QRICH1: variants seen among roughly 807,000 people sequenced by gnomAD.
QRICH1 encodes the protein transcriptional regulator QRICH1.
In QRICH1, 16 loss-of-function variants were observed where a neutral mutation model predicts 87.1. The observed-to-expected ratio is 0.18, with a 90% CI of 0.12 to 0.28. QRICH1 has a LOEUF of 0.28. Among genes scored for constraint, QRICH1 ranks in the 10% least tolerant of loss-of-function variants. The pLI, the probability that QRICH1 is intolerant of heterozygous loss-of-function variation, is 1.00. For missense variants in QRICH1, 647 were observed against 951.7 expected, an observed-to-expected ratio of 0.68 and a Z score of 4.21; for synonymous variants, 367 against 368.4, an observed-to-expected ratio of 1.00 and a Z score of 0.05.
chr3:49,040,947 ACT>A (rs1454842296), intron 6 of QRICH1, among the ~76,000 whole-genome samples: 6 of 151,894 alleles, frequency 4.0e-5, no homozygotes, highest in Non-Finnish European at 8.8e-5. Flanking sequence ...TCAATTTGCA[ACT>A]CTCTGATGAC....
intron 1 of QRICH1, among the ~76,000 whole-genome samples, chr3:49,082,959 G>GACT (rs2042092074): frequency 6.6e-6 from 1 of 151,216 alleles, no homozygotes; most frequent in Non-Finnish European, 1.5e-5. Context: ...TAGCACTATG[G>GACT]ACTTTGGGGG....
At chr3:49,063,293 C>T (rs948055974) in intron 2 of QRICH1, among the ~76,000 whole-genome samples, 7 of 152,212 alleles carry the variant, frequency 4.6e-5, no homozygotes, top group Non-Finnish European at 1.0e-4. Flanking sequence ...ACAGCAGCAG[C>T]AGCATCCAGG....
chr3:49,065,407 A>G (rs1221836476), intron 2 of QRICH1, among the ~76,000 whole-genome samples: 1 of 152,174 alleles, frequency 6.6e-6, no homozygotes, highest in Non-Finnish European at 1.5e-5. Context: ...CGGCATCCCA[A>G]AGTGTTAGGA....
At chr3:49,034,079 TTTATTATTA>T (rs10691654) in intron 6 of QRICH1, among the ~76,000 whole-genome samples, 195 of 147,208 alleles carry the variant, frequency 1.3e-3, no homozygotes, top group Non-Finnish European at 1.1e-3. Context: ...TTTGGGGGAT[TTTATTATTA>T]TTATTATTAT....
intron 6 of QRICH1, among the ~76,000 whole-genome samples, chr3:49,036,074 A>G (rs1399694994): frequency 6.6e-6 from 1 of 152,204 alleles, no homozygotes; most frequent in Non-Finnish European, 1.5e-5. Flanking sequence ...AAACAGAGCA[A>G]GACCCTGTCT....
chr3:49,048,898 G>A (rs1377714613), intron 3 of QRICH1, among the ~76,000 whole-genome samples: 1 of 150,078 alleles, frequency 6.7e-6, no homozygotes, highest in African/African-American at 2.4e-5. Flanking sequence ...AGCTTCCCAT[G>A]TGATTTTTTT....
rs150401256 is a variant in QRICH1, at chr3:49,045,326, CAAAAAAAAAAAAA to C, written c.1672-835_1672-823del. Reference sequence around the variant, plus strand: ...TGTTACATAAATGCTTTGTGAATTACAAAAAAAAAAAAAAAAAAAAAAAGTCAAGGTAATTACC... The same window carrying C: ...TGTTACATAAATGCTTTGTGAATTACAAAAAAAAAAGTCAAGGTAATTACC... On this transcript the variant is annotated intron_variant, in intron 5 of 9. Transcript: ENST00000395443. 2.1e-3 allele frequency among the ~76,000 whole-genome samples: 217 copies of C among 101,840 alleles called. 5 individuals carry two copies. Among genetic ancestry groups the C allele is most frequent in the Non-Finnish European group, 5.8e-4 (30 of 51,346 alleles). The allele number at this position is 101,840 out of a possible 152,430, so 66.8% of individuals were successfully genotyped here.
intron 6 of QRICH1, among the ~76,000 whole-genome samples, chr3:49,038,139 G>A (rs2093287060): frequency 1.3e-5 from 2 of 151,522 alleles, no homozygotes; most frequent in African/African-American, 4.9e-5. Context: ...TCGGCTCACT[G>A]CAAGCTCAGC....
intron 3 of QRICH1, among the ~76,000 whole-genome samples, chr3:49,049,174 G>A (rs1168090278): frequency 6.6e-6 from 1 of 151,824 alleles, no homozygotes; most frequent in Non-Finnish European, 1.5e-5. Context: ...AAAGTGCTGG[G>A]ATTACAGGCA....
intron 2 of QRICH1, among the ~76,000 whole-genome samples, chr3:49,058,993 G>A (rs1009643425): frequency 4.0e-5 from 5 of 126,420 alleles, no homozygotes; most frequent in Admixed American, 8.5e-5. Context: ...ACGGAGTCTC[G>A]CTTTGTCGCC....
At chr3:49,063,878 C>A (rs1170530091) in intron 2 of QRICH1, among the ~76,000 whole-genome samples, 2 of 152,086 alleles carry the variant, frequency 1.3e-5, no homozygotes, top group African/African-American at 4.8e-5. Context: ...TTTACTTGTA[C>A]TCTAAATTAA....
At chr3:49,065,415 G>T (rs1394024262) in intron 2 of QRICH1, among the ~76,000 whole-genome samples, 1 of 152,166 alleles carries the variant, frequency 6.6e-6, no homozygotes, top group African/African-American at 2.4e-5. Context: ...CAAAGTGTTA[G>T]GATTACAGGC....
intron 9 of QRICH1, among the ~76,000 whole-genome samples, chr3:49,031,977 C>A (rs992760509): frequency 5.3e-5 from 8 of 152,164 alleles, no homozygotes; most frequent in Non-Finnish European, 1.0e-4. Context: ...GACCCGGGAC[C>A]CCTTTTTCTA....
At chr3:49,062,338 A>G (rs2093439977) in intron 2 of QRICH1, among the ~76,000 whole-genome samples, 1 of 149,948 alleles carries the variant, frequency 6.7e-6, no homozygotes, top group African/African-American at 2.4e-5. Context: ...CCATCTCAGA[A>G]AAAAAAAAAA....
At chr3:49,091,017 T>C (rs1415608885) in intron 1 of QRICH1, among the ~76,000 whole-genome samples, 1 of 152,048 alleles carries the variant, frequency 6.6e-6, no homozygotes, top group Admixed American at 6.6e-5. Flanking sequence ...GGTCAGGAGA[T>C]TGAGACCATC....
intron 6 of QRICH1, 111 bp from the exon 7 acceptor site, chr3:49,033,339 G>C (rs548350964): frequency 1.7e-6 from 1 of 578,394 alleles, no homozygotes; most frequent in African/African-American, 1.9e-5. Flanking sequence ...ATTTCATCAG[G>C]GGACTCTCCC....
chr3:49,063,569 G>A (rs1225434798), intron 2 of QRICH1, among the ~76,000 whole-genome samples: 1 of 152,184 alleles, frequency 6.6e-6, no homozygotes, highest in Non-Finnish European at 1.5e-5. Flanking sequence ...CAGGAAAACT[G>A]CTTGAGCCCA....
intron 6 of QRICH1, among the ~76,000 whole-genome samples, chr3:49,042,130 T>G (rs1385160594): frequency 2.0e-5 from 3 of 146,622 alleles, no homozygotes; most frequent in Non-Finnish European, 4.5e-5. Flanking sequence ...AGACTCTTGC[T>G]CTTGTCGCCC....
chr3:49,089,907 T>C (rs1483315673), intron 1 of QRICH1, among the ~76,000 whole-genome samples: 1 of 152,254 alleles, frequency 6.6e-6, no homozygotes, highest in African/African-American at 2.4e-5. Flanking sequence ...GGCATCGTTT[T>C]ATTTCTTGAA....
Sources: gnomAD v4.1 joint callset for allele counts (sites outside exome capture counted in the v4.1 genomes callset) on GRCh38, gnomAD v4.1.1 for gene constraint, MANE v1.5 for transcripts, NCBI Gene and HGNC (gene_info 2026-07-23, HGNC 2026-07-21) for gene names.